PRKN: variants seen among roughly 807,000 people sequenced by gnomAD.
The protein encoded by PRKN is E3 ubiquitin-protein ligase parkin.
PRKN carries 56 observed loss-of-function variants against 59.5 expected under a neutral mutation model. The observed-to-expected ratio is 0.94, with a 90% CI of 0.76 to 1.18. The LOEUF is 1.18. Among genes scored for constraint, PRKN ranks in the 50% most tolerant of loss-of-function variants. PRKN has a pLI of 0.00. For missense variants in PRKN, 657 were observed against 596.4 expected (o/e 1.10, Z -1.06); for synonymous variants, 250 against 222.1 (o/e 1.13, Z -1.12).
At chr6:162,016,730 G>A (rs1162418772) in intron 5 of PRKN, among the ~76,000 whole-genome samples, 1 of 152,130 alleles carries the variant, frequency 6.6e-6, no homozygotes, top group East Asian at 1.9e-4. Context: ...TCGGTCTCAA[G>A]CCCAAGCATG....
At chr6:161,510,080 A>G (rs569605936) in intron 9 of PRKN, among the ~76,000 whole-genome samples, 14 of 152,278 alleles carry the variant, frequency 9.2e-5, no homozygotes, top group Admixed American at 4.6e-4. Context: ...TCTATAAGAA[A>G]TTTCTGAAGA....
chr6:162,043,959 C>G (rs946003781), intron 5 of PRKN, among the ~76,000 whole-genome samples: 10 of 152,130 alleles, frequency 6.6e-5, no homozygotes, highest in African/African-American at 2.2e-4. Flanking sequence ...CTTAATAACC[C>G]AATAAATACA....
intron 3 of PRKN, among the ~76,000 whole-genome samples, chr6:162,213,398 G>A (rs1777486441): frequency 6.6e-6 from 1 of 151,896 alleles, no homozygotes; most frequent in Non-Finnish European, 1.5e-5. Context: ...ATTTCACAAT[G>A]CATACACAAC....
chr6:162,655,138 A>G lies in PRKN; in HGVS notation c.7+72524T>C, dbSNP rs1166788974. ...ATAAAAATATACATAATTTATTATT[A>G]CAATATATTAATGATTTTGGCATTC... On this transcript the variant is annotated intron_variant, in intron 1 of 11. Coordinates refer to ENST00000366898, the MANE Select transcript of PRKN (RefSeq NM_004562.3). Among the ~76,000 whole-genome samples the G allele has an allele frequency of 2.0e-5, 3 of 152,138 alleles. 1 individual carries two copies. Among genetic ancestry groups the G allele is most frequent in the Admixed American group, 2.0e-4 (3 of 15,282 alleles).
intron 4 of PRKN, among the ~76,000 whole-genome samples, chr6:162,146,027 AG>A (rs1782011388): frequency 6.6e-6 from 1 of 152,298 alleles, no homozygotes; most frequent in East Asian, 1.9e-4. Context: ...GGGTTTGCAA[AG>A]GGAGTAGCCT....
intron 1 of PRKN, among the ~76,000 whole-genome samples, chr6:162,622,368 G>A (rs917081556): frequency 1.3e-5 from 2 of 150,380 alleles, no homozygotes; most frequent in Admixed American, 1.3e-4. Context: ...ATTTTTAGTA[G>A]AGACGGGGTT....
At chr6:161,804,705 C>T (rs1791235292) in intron 6 of PRKN, among the ~76,000 whole-genome samples, 2 of 152,176 alleles carry the variant, frequency 1.3e-5, no homozygotes, top group African/African-American at 4.8e-5. Flanking sequence ...CACATTGTCC[C>T]AACAATGCGT....
At position 161,447,031 on chromosome 6, in the gene PRKN, G is replaced by A. The variant is rs1235261163; in HGVS notation, c.1084-60154C>T. 6.6e-6 allele frequency among the ~76,000 whole-genome samples: 1 copy of A among 152,074 alleles called. No individual in the cohort carries two copies. Among genetic ancestry groups the A allele is most frequent in the Non-Finnish European group, 1.5e-5 (1 of 68,026 alleles). ...TAGGATTTCTTTTCTGTTAGCTATG[G>A]GTAGGTGACTTCTTAATGATCTTTA... On this transcript the variant is annotated intron_variant, in intron 9 of 11. Coordinates refer to ENST00000366898, the MANE Select transcript of PRKN (RefSeq NM_004562.3). This position sits in a 1 kb window ranked among gnomAD's most constrained non-coding sequence, Gnocchi z 4.1.
intron 6 of PRKN, among the ~76,000 whole-genome samples, chr6:161,811,202 C>T (rs918601162): frequency 2.0e-5 from 3 of 152,084 alleles, no homozygotes; most frequent in Non-Finnish European, 4.4e-5. Context: ...TGCTATAATG[C>T]AGCACACAAG....
rs1204200998 is a variant in PRKN at position 161,825,685 on chromosome 6, A to C, written c.735-39777T>G. Among the ~76,000 whole-genome samples the C allele has an allele frequency of 1.3e-5, 2 of 152,152 alleles. 1 individual carries two copies. Among genetic ancestry groups the C allele is most frequent in the South Asian group, 4.1e-4 (2 of 4,822 alleles). On this transcript the variant is annotated intron_variant, in intron 6 of 11. Coordinates refer to ENST00000366898, the MANE Select transcript of PRKN (RefSeq NM_004562.3). ...TTGCTTCCTGGGCAAGTGCAAGGAAATGTGATGTGAACTGGAAATGCGAGG... is the reference window on the plus strand; with the variant it reads ...TTGCTTCCTGGGCAAGTGCAAGGAACTGTGATGTGAACTGGAAATGCGAGG...
intron 9 of PRKN, among the ~76,000 whole-genome samples, chr6:161,472,874 A>T (rs1483091545): frequency 1.3e-5 from 2 of 152,244 alleles, no homozygotes; most frequent in Non-Finnish European, 2.9e-5. Flanking sequence ...AAAAAGATAT[A>T]AAAATGGCCA....
rs564770877 is a variant in PRKN, at chr6:162,547,295, G to A, written c.8-103822C>T. On this transcript the variant is annotated intron_variant, in intron 1 of 11. Coordinates refer to ENST00000366898, the MANE Select transcript of PRKN (RefSeq NM_004562.3). ...CGTTTATCATCTATATGTCACATAC[G>A]AAATTAGTTACACTAGCAGCATTTA... Among the ~76,000 whole-genome samples, 9 of 152,220 alleles carry A rather than the reference G, an allele frequency of 5.9e-5. No homozygotes were observed. In the South Asian group the frequency reaches 1.0e-3, roughly 18 times the overall value.
At chr6:162,210,513 T>C (rs1785159570) in intron 3 of PRKN, among the ~76,000 whole-genome samples, 1 of 152,198 alleles carries the variant, frequency 6.6e-6, no homozygotes, top group African/African-American at 2.4e-5. Context: ...TCTTAGACAG[T>C]ATTTCCATCT....
intron 5 of PRKN, among the ~76,000 whole-genome samples, chr6:162,045,518 C>T (rs1457963280): frequency 6.6e-6 from 1 of 152,226 alleles, no homozygotes; most frequent in Admixed American, 6.5e-5. Flanking sequence ...GACATCGTCT[C>T]AGTTGTGATT....
intron 7 of PRKN, among the ~76,000 whole-genome samples, chr6:161,693,419 A>T (rs553422359): frequency 6.6e-6 from 1 of 152,294 alleles, no homozygotes; most frequent in South Asian, 2.1e-4. Flanking sequence ...CTACAGGTGG[A>T]CCAAGGAATG....
At chr6:162,602,987 G>A (rs987592780) in intron 1 of PRKN, among the ~76,000 whole-genome samples, 6 of 152,106 alleles carry the variant, frequency 3.9e-5, no homozygotes, top group African/African-American at 1.4e-4. Flanking sequence ...CACAAGGACC[G>A]CACAGGGTTG....
chr6:161,478,819 C>A (rs1301228436), intron 9 of PRKN, among the ~76,000 whole-genome samples: 1 of 152,154 alleles, frequency 6.6e-6, no homozygotes, highest in Non-Finnish European at 1.5e-5. Context: ...GTACTCCCAG[C>A]CTGAGTGACA....
At chr6:162,598,677 G>T (rs1377687822) in intron 1 of PRKN, among the ~76,000 whole-genome samples, 7 of 151,778 alleles carry the variant, frequency 4.6e-5, no homozygotes, top group Admixed American at 4.6e-4. Context: ...ACATGGTGAA[G>T]CCCTGTCTCT....
intron 9 of PRKN, among the ~76,000 whole-genome samples, chr6:161,505,183 T>C (rs367986774): frequency 6.6e-6 from 1 of 152,182 alleles, no homozygotes; most frequent in East Asian, 1.9e-4. Flanking sequence ...CTCTCAAGCA[T>C]CTGTTGTTTC....
Sources: gnomAD v4.1 joint callset for allele counts (sites outside exome capture counted in the v4.1 genomes callset) on GRCh38, gnomAD v4.1.1 for gene constraint, Gnocchi (gnomAD v3.1) non-coding constraint, MANE v1.5 for transcripts, NCBI Gene and HGNC (gene_info 2026-07-23, HGNC 2026-07-21) for gene names.